PLA2G4C: variants seen among roughly 807,000 people sequenced by gnomAD.
The protein encoded by PLA2G4C is cytosolic phospholipase A2 gamma.
Under a neutral mutation model 73.8 loss-of-function variants are expected in PLA2G4C, and 64 were observed. The observed-to-expected ratio is 0.87, with a 90% CI of 0.71 to 1.07. The LOEUF (loss-of-function observed/expected upper bound fraction) is 1.07, where lower values mean the gene tolerates loss of function less well. PLA2G4C is among the 50% of genes least tolerant of loss of function. PLA2G4C has a pLI of 0.00. For synonymous variants in PLA2G4C, 254 were observed against 252.1 expected, an observed-to-expected ratio of 1.01 and a Z score of -0.07; for missense variants, 622 against 665.4, an observed-to-expected ratio of 0.93 and a Z score of 0.72.
chr19:48,053,695 T>C (rs1967819058), intron 15 of PLA2G4C, among the ~76,000 whole-genome samples: 1 of 152,152 alleles, frequency 6.6e-6, no homozygotes, highest in Non-Finnish European at 1.5e-5. Flanking sequence ...TCTTCTTTAC[T>C]ACTCTAGCCT....
At chr19:48,109,218 G>A (rs2032370713) in intron 1 of PLA2G4C, among the ~76,000 whole-genome samples, 1 of 147,344 alleles carries the variant, frequency 6.8e-6, no homozygotes, top group Non-Finnish European at 1.5e-5. Context: ...TCATATGTTG[G>A]ACTTGTAACC....
chr19:48,098,944 G>A (rs568056444), intron 5 of PLA2G4C, among the ~76,000 whole-genome samples: 1 of 150,528 alleles, frequency 6.6e-6, no homozygotes, highest in East Asian at 2.0e-4. Flanking sequence ...AACCCGATGT[G>A]TTAGGATAGG....
chr19:48,088,341 G>A (rs2031100830), intron 9 of PLA2G4C, among the ~76,000 whole-genome samples: 1 of 150,606 alleles, frequency 6.6e-6, no homozygotes, highest in South Asian at 2.1e-4. Flanking sequence ...AATTAGCTAG[G>A]GACATTAAAG....
chr19:48,049,618 C>G (rs1384519681), intron 16 of PLA2G4C, among the ~76,000 whole-genome samples: 1 of 152,178 alleles, frequency 6.6e-6, no homozygotes, highest in Admixed American at 6.6e-5. Flanking sequence ...TTTGTGGAAT[C>G]AATGAATGAA....
chr19:48,088,473 T>C (rs924820380), intron 9 of PLA2G4C, among the ~76,000 whole-genome samples: 1 of 151,938 alleles, frequency 6.6e-6, no homozygotes, highest in African/African-American at 2.4e-5. Flanking sequence ...TTTGGTAATA[T>C]GACAAAACAT....
chr19:48,110,564 C>G lies in PLA2G4C; in HGVS notation c.-110G>C, dbSNP rs1217011436. 2 of 403,516 alleles carry G rather than the reference C, an allele frequency of 5.0e-6. No homozygotes were observed. Among genetic ancestry groups the G allele is most frequent in the South Asian group, 4.1e-5 (1 of 24,482 alleles). The allele number at this position is 403,516 out of a possible 1,614,324, so 25.0% of individuals were successfully genotyped here. A position where few individuals can be genotyped will look rare whatever the true frequency, so the allele number is the denominator to read the frequency against. On this transcript the variant is annotated 5_prime_UTR_variant, in exon 1 of 17. Coordinates refer to ENST00000599921, the MANE Select transcript of PLA2G4C (RefSeq NM_003706.3). The stretch of plus-strand genomic sequence containing the variant: ...AATCCGGTGCGGAGGCTTGGGCTCC[C>G]TGCGCTTAGCGGTGTAGTCGCTGGA...
chr19:48,100,869 G>A lies in PLA2G4C; in HGVS notation c.258-1009C>T, dbSNP rs62129357. ...GCTGAGCTTGCAGTGAGCCGAGATC[G>A]CGCCACTGCACTCCAGCCTGGGCAA... On this transcript the variant is annotated intron_variant, in intron 4 of 16. Coordinates refer to ENST00000599921, the MANE Select transcript of PLA2G4C (RefSeq NM_003706.3). 3.2e-3 allele frequency among the ~76,000 whole-genome samples: 469 copies of A among 146,280 alleles called. 4 individuals are homozygous for A. Among genetic ancestry groups the A allele is most frequent in the African/African-American group, 0.011 (438 of 39,038 alleles).
chr19:48,067,721 C>A, intron 13 of PLA2G4C, 70 bp downstream of exon 13: 1 of 1,043,366 alleles, frequency 9.6e-7, no homozygotes. Context: ...TTCAGGCCCA[C>A]CCCCTTCCCC....
intron 1 of PLA2G4C, 136 bp downstream of exon 1, chr19:48,110,351 A>T (rs532215962): frequency 9.6e-4 from 555 of 575,816 alleles, no homozygotes; most frequent in Middle Eastern, 3.0e-3. Flanking sequence ...GTCTCAAAAA[A>T]AAATAAATAA....
Position 48,109,658 on chromosome 19 carries a change from A to ATT in PLA2G4C, c.-33+827_-33+828dup, listed in dbSNP as rs113371242. Among the ~76,000 whole-genome samples, 513 of 147,676 alleles carry ATT rather than the reference A, an allele frequency of 3.5e-3. 1 individual carries two copies. The highest frequency in any genetic ancestry group is 0.012 in the African/African-American group (492 of 40,056). ...TGGTTTGATTGGTTTATTTTATTTT[A>ATT]TTTTTTTTTGAGATGGAGTCTCGCT... On this transcript the variant is annotated intron_variant, in intron 1 of 16. Coordinates refer to ENST00000599921, the MANE Select transcript of PLA2G4C (RefSeq NM_003706.3).
intron 10 of PLA2G4C, among the ~76,000 whole-genome samples, chr19:48,078,871 C>CTT (rs33976382): frequency 0.26 from 35,796 of 137,854 alleles, 5,165 homozygotes; most frequent in East Asian, 0.5. Flanking sequence ...TCCTAAAATC[C>CTT]TTTTTTTTTT....
chr19:48,105,169 G>C (rs1189892675), intron 3 of PLA2G4C, among the ~76,000 whole-genome samples, 164 bp downstream of exon 3: 2 of 151,362 alleles, frequency 1.3e-5, no homozygotes, highest in African/African-American at 2.4e-5. Context: ...TCTCCCTTAG[G>C]CAGGGGCAAT....
intron 10 of PLA2G4C, among the ~76,000 whole-genome samples, chr19:48,080,743 A>C (rs973481681): frequency 2.7e-5 from 4 of 149,698 alleles, no homozygotes; most frequent in African/African-American, 9.9e-5. Flanking sequence ...CACGAGTTGG[A>C]GGTTGCAGTG....
intron 12 of PLA2G4C, among the ~76,000 whole-genome samples, chr19:48,069,380 C>T (rs751885693): frequency 5.9e-5 from 9 of 152,140 alleles, no homozygotes; most frequent in Non-Finnish European, 1.0e-4. Context: ...ATGCCCAGCA[C>T]ACTTTCCCGT....
intron 7 of PLA2G4C, among the ~76,000 whole-genome samples, chr19:48,094,870 TTTTG>T (rs111632187): frequency 0.025 from 3,772 of 151,750 alleles, 163 homozygotes; most frequent in African/African-American, 0.085. Context: ...CATTCTAGTT[TTTTG>T]TTTGTTTGTT....
At chr19:48,103,609 G>C (rs2032025590) in intron 4 of PLA2G4C, among the ~76,000 whole-genome samples, 1 of 152,166 alleles carries the variant, frequency 6.6e-6, no homozygotes, top group Non-Finnish European at 1.5e-5. Flanking sequence ...CCCTGGGCTT[G>C]GCAACAAACA....
chr19:48,109,005 T>C (rs890280471), intron 1 of PLA2G4C: 4 of 152,212 alleles, frequency 2.6e-5, no homozygotes, highest in African/African-American at 9.6e-5. Context: ...CAGTTTTCTT[T>C]GTCTCAAAGT....
chr19:48,099,982 G>A (rs1792240876), intron 4 of PLA2G4C, 122 bp from the exon 5 acceptor site: 4 of 596,936 alleles, frequency 6.7e-6, no homozygotes, highest in Non-Finnish European at 1.2e-5. Flanking sequence ...GCGACACACA[G>A]AGGAAACGGA....
chr19:48,103,191 A>G (rs1306966882), intron 4 of PLA2G4C, among the ~76,000 whole-genome samples: 1 of 151,852 alleles, frequency 6.6e-6, no homozygotes, highest in African/African-American at 2.4e-5. Flanking sequence ...CTTTTTAACC[A>G]CAGCAGTCTC....
Sources: allele counts gnomAD v4.1 joint callset (sites outside exome capture counted in the v4.1 genomes callset), GRCh38; gene constraint gnomAD v4.1.1; transcripts MANE v1.5; gene names NCBI Gene and HGNC (gene_info 2026-07-23, HGNC 2026-07-21).